The following SNX16 variants were observed in gnomAD, a reference collection of about 807,000 sequenced individuals.
SNX16 encodes sorting nexin-16.
SNX16 carries 35 observed loss-of-function variants against 36.7 expected under a neutral mutation model. The observed-to-expected ratio is 0.95, with a 90% confidence interval of 0.73 to 1.27. The LOEUF is 1.27. SNX16 is among the 50% of genes most tolerant of loss of function. The pLI is 0.00. For missense variants in SNX16, 367 were observed against 393.6 expected (o/e 0.93, Z 0.57); for synonymous variants, 134 against 132.0 (o/e 1.02, Z -0.10).
At chr8:81,827,136 T>A (rs1811054309) in intron 3 of SNX16, among the ~76,000 whole-genome samples, 1 of 152,118 alleles carries the variant, frequency 6.6e-6, no homozygotes, top group Non-Finnish European at 1.5e-5. Flanking sequence ...TAAATGCCCA[T>A]CTTGGAGGAT....
chr8:81,840,810 G>T (rs1193754878), intron 1 of SNX16, among the ~76,000 whole-genome samples: 2 of 152,180 alleles, frequency 1.3e-5, no homozygotes, highest in Non-Finnish European at 2.9e-5. Context: ...TTACACTCAA[G>T]AATCTGTTAT....
At chr8:81,806,824 T>C (rs1160869466) in intron 5 of SNX16, among the ~76,000 whole-genome samples, 3 of 151,936 alleles carry the variant, frequency 2.0e-5, no homozygotes, top group African/African-American at 4.8e-5. Context: ...AATAGATATA[T>C]AAAAATCAAT....
chr8:81,834,892 T>G (rs932203282), intron 2 of SNX16, among the ~76,000 whole-genome samples: 1 of 152,182 alleles, frequency 6.6e-6, no homozygotes, highest in African/African-American at 2.4e-5. Context: ...TGGAGGATGA[T>G]GGCCCTCCTC....
intron 1 of SNX16, among the ~76,000 whole-genome samples, chr8:81,840,957 A>G (rs543457918): frequency 7.7e-4 from 67 of 87,236 alleles, no homozygotes; most frequent in African/African-American, 1.9e-3. Flanking sequence ...ACTACACACA[A>G]CAATAACTGC....
At chr8:81,840,910 A>T (rs1301845354) in intron 1 of SNX16, among the ~76,000 whole-genome samples, 1 of 152,098 alleles carries the variant, frequency 6.6e-6, no homozygotes. Flanking sequence ...TAAACTCATA[A>T]GAAACTGTAA....
At chr8:81,807,991 G>A in intron 5 of SNX16, 10 of 811,706 alleles carry the variant, frequency 1.2e-5, no homozygotes, top group Non-Finnish European at 2.2e-5. Context: ...AGCCGTGAAT[G>A]CAAGGCCACA....
At chr8:81,829,753 C>A (rs1157253081) in intron 2 of SNX16, among the ~76,000 whole-genome samples, 1 of 152,022 alleles carries the variant, frequency 6.6e-6, no homozygotes, top group Non-Finnish European at 1.5e-5. Context: ...TTTTTCTGTG[C>A]ACACTAACAA....
At chr8:81,827,694 C>A (rs907892094) in intron 3 of SNX16, among the ~76,000 whole-genome samples, 6 of 152,074 alleles carry the variant, frequency 3.9e-5, no homozygotes, top group Non-Finnish European at 7.4e-5. Context: ...GAGGTTTTTA[C>A]AGTGGCAGAA....
chr8:81,813,207 T>C (rs980579080), intron 5 of SNX16, among the ~76,000 whole-genome samples: 4 of 152,004 alleles, frequency 2.6e-5, no homozygotes, highest in African/African-American at 9.7e-5. Flanking sequence ...AGATATGCTA[T>C]GCAAACAGTA....
rs201756518 is a variant in SNX16 at position 81,824,463 on chromosome 8, A to AT, written c.463-524dup. 4.0e-3 allele frequency among the ~76,000 whole-genome samples: 606 copies of AT among 151,984 alleles called. 2 individuals are homozygous for AT. Among genetic ancestry groups the AT allele is most frequent in the African/African-American group, 0.012 (480 of 41,464 alleles). On this transcript the variant is annotated intron_variant, in intron 3 of 7. Coordinates refer to ENST00000345957, the MANE Select transcript of SNX16 (RefSeq NM_152836.3). ...TTTTCAATTTGTCTTAACAGAGCAG[A>AT]TTTTTTTTAATTTTAATGTTATTTA...
In SNX16 at chr8:81,802,971, CA is replaced by C. The variant is rs1189592740; in HGVS notation, c.818+120del. On this transcript the variant is annotated intron_variant, in intron 6 of 7. Transcript: ENST00000345957. Reference sequence around the variant, plus strand: ...GCATAATTTTCCCAATGAAGTATGCCAAAAGCCTACAACTTTCAGAATCAGA... The same window carrying C: ...GCATAATTTTCCCAATGAAGTATGCCAAAGCCTACAACTTTCAGAATCAGA... 1.4e-5 allele frequency: 13 copies of C among 911,896 alleles called. No homozygotes were observed. The African/African-American group carries it at 2.3e-4, about 16-fold the overall frequency. 56.5% of individuals were successfully genotyped at this position (911,896 alleles called of 1,614,324 possible). A position where few individuals can be genotyped will look rare whatever the true frequency, so the allele number is the denominator to read the frequency against.
intron 2 of SNX16, among the ~76,000 whole-genome samples, chr8:81,838,877 A>G (rs996875459): frequency 3.9e-5 from 6 of 152,134 alleles, no homozygotes; most frequent in Admixed American, 1.3e-4. Context: ...AAAAAAAATT[A>G]TATCCAAAGT....
intron 3 of SNX16, among the ~76,000 whole-genome samples, chr8:81,829,000 T>A (rs1375566841): frequency 1.3e-5 from 2 of 152,300 alleles, no homozygotes; most frequent in Non-Finnish European, 2.9e-5. Flanking sequence ...AACAGCTTGA[T>A]TTTGACTTTG....
intron 5 of SNX16, among the ~76,000 whole-genome samples, chr8:81,807,498 G>A (rs1386654057): frequency 4.5e-5 from 5 of 111,154 alleles, no homozygotes; most frequent in Non-Finnish European, 8.3e-5. Context: ...CAGCCTGGGT[G>A]ACAGTTTGAG....
intron 5 of SNX16, among the ~76,000 whole-genome samples, chr8:81,810,371 A>C (rs1024974121): frequency 4.6e-5 from 7 of 152,138 alleles, no homozygotes; most frequent in African/African-American, 1.7e-4. Flanking sequence ...CCTTTGAATA[A>C]GTTTAATTTT....
chr8:81,807,154 C>A (rs1429143679), intron 5 of SNX16, among the ~76,000 whole-genome samples: 1 of 152,020 alleles, frequency 6.6e-6, no homozygotes. Flanking sequence ...CCTTGTTCTG[C>A]CAGTTAATAA....
chr8:81,825,888 G>A (rs1810994358), intron 3 of SNX16, among the ~76,000 whole-genome samples: 1 of 152,022 alleles, frequency 6.6e-6, no homozygotes, highest in Admixed American at 6.6e-5. Context: ...TATGGCCTTG[G>A]AGCTTTGATA....
chr8:81,812,790 A>G lies in SNX16; in HGVS notation c.681+2535T>C, dbSNP rs1810318397. On this transcript the variant is annotated intron_variant, in intron 5 of 7. Transcript: ENST00000345957. ...CATTTCTTAAGTTCTTTAGAGCACA[A>G]AAGACTGTATAAAGAAATAATTATT... 2.0e-5 allele frequency among the ~76,000 whole-genome samples: 3 copies of G among 152,102 alleles called. No individual in the cohort carries two copies. The South Asian group carries it at 6.2e-4, about 31-fold the overall frequency.
intron 5 of SNX16, among the ~76,000 whole-genome samples, chr8:81,809,060 C>CT (rs1436927823): frequency 1.3e-5 from 2 of 150,830 alleles, no homozygotes; most frequent in South Asian, 2.1e-4. Context: ...GAATAAATGT[C>CT]TTTTTTTTAA....
Sources: allele counts gnomAD v4.1 joint callset (sites outside exome capture counted in the v4.1 genomes callset), GRCh38; gene constraint gnomAD v4.1.1; transcripts MANE v1.5; gene names NCBI Gene and HGNC (gene_info 2026-07-23, HGNC 2026-07-21).